Variants in TCF7L1 observed in about 807,000 individuals in gnomAD.
TCF7L1 encodes transcription factor 7-like 1.
Under a neutral mutation model 63.7 loss-of-function variants are expected in TCF7L1, and 18 were observed. The observed-to-expected ratio is 0.28, with a 90% CI of 0.20 to 0.42. The LOEUF (loss-of-function observed/expected upper bound fraction) is 0.42, where lower values mean the gene tolerates loss of function less well. Among genes scored for constraint, TCF7L1 ranks in the 10% least tolerant of loss-of-function variants. The pLI is 1.00. For synonymous variants in TCF7L1, 355 were observed against 340.9 expected, an observed-to-expected ratio of 1.04 and a Z score of -0.46; for missense variants, 654 against 779.3, an observed-to-expected ratio of 0.84 and a Z score of 1.91.
chr2:85,308,446 T>TCCCTCCCTC (rs1558663508), intron 11 of TCF7L1, among the ~76,000 whole-genome samples: 4 of 86,570 alleles, frequency 4.6e-5, no homozygotes, highest in African/African-American at 2.1e-4. Flanking sequence ...CCTCCCTTTC[T>TCCCTCCCTC]CTTTCCCTCC....
rs1682124348 is a variant in TCF7L1, at chr2:85,306,853, A to G, written c.1257+294A>G. 6.6e-6 allele frequency among the ~76,000 whole-genome samples: 1 copy of G among 151,804 alleles called. No individual in the cohort carries two copies. Among genetic ancestry groups the G allele is most frequent in the South Asian group, 2.1e-4 (1 of 4,806 alleles). On this transcript the variant is annotated intron_variant, in intron 10 of 11. Coordinates refer to ENST00000282111, the MANE Select transcript of TCF7L1 (RefSeq NM_031283.3). This position sits in a 1 kb window ranked among gnomAD's most constrained non-coding sequence, Gnocchi z 4.3. ...CTAATTTTTTGTATTTTTAGTAGAGACGGGGTTTCACTGTGTTAACCAGGA... is the reference window on the plus strand; with the variant it reads ...CTAATTTTTTGTATTTTTAGTAGAGGCGGGGTTTCACTGTGTTAACCAGGA...
At chr2:85,297,238 G>A (rs1203108289) in intron 4 of TCF7L1, among the ~76,000 whole-genome samples, 1 of 152,116 alleles carries the variant, frequency 6.6e-6, no homozygotes, top group Non-Finnish European at 1.5e-5. Flanking sequence ...TGCTCAGAAG[G>A]ACCTGAAAGC....
At chr2:85,209,264 G>A (rs1349324742) in intron 3 of TCF7L1, among the ~76,000 whole-genome samples, 1 of 152,224 alleles carries the variant, frequency 6.6e-6, no homozygotes, top group Non-Finnish European at 1.5e-5. Context: ...AAGGTGTGGA[G>A]GCCTGAGTGA....
chr2:85,291,460 T>A (rs1681714213), intron 4 of TCF7L1, among the ~76,000 whole-genome samples: 1 of 152,206 alleles, frequency 6.6e-6, no homozygotes, highest in Admixed American at 6.5e-5. Context: ...CTAGTTCCAA[T>A]AACATGTTCC....
chr2:85,231,765 A>G (rs1468560067), intron 3 of TCF7L1, among the ~76,000 whole-genome samples: 1 of 152,096 alleles, frequency 6.6e-6, no homozygotes, highest in Non-Finnish European at 1.5e-5. Flanking sequence ...CACCCCTGGC[A>G]TGGGTATAGG....
intron 3 of TCF7L1, among the ~76,000 whole-genome samples, chr2:85,155,423 C>G (rs1018360686): frequency 3.9e-5 from 6 of 152,164 alleles, no homozygotes; most frequent in African/African-American, 1.4e-4. Context: ...TCCGTGCCAC[C>G]TTTAAGAGCT....
intron 3 of TCF7L1, among the ~76,000 whole-genome samples, chr2:85,263,166 A>G (rs922765056): frequency 1.3e-5 from 2 of 152,228 alleles, no homozygotes; most frequent in African/African-American, 4.8e-5. Context: ...TAAATAGTGA[A>G]ACACTCAGAG....
In TCF7L1 at chr2:85,144,428, A is replaced by C. The variant is rs925622237; in HGVS notation, c.441+9978A>C. 4.6e-5 allele frequency among the ~76,000 whole-genome samples: 7 copies of C among 151,084 alleles called. 1 individual carries two copies. The highest frequency in any genetic ancestry group is 1.5e-4 in the African/African-American group (6 of 41,144). ...AAACCCTGTCTCTACAAAAAAAAAA[A>C]AAAAAACAAAAACCAAAAAAAACAT... On this transcript the variant is annotated intron_variant, in intron 3 of 11. Transcript: ENST00000282111.
chr2:85,137,167 T>TG, intron 3 of TCF7L1, among the ~76,000 whole-genome samples: 1 of 152,344 alleles, frequency 6.6e-6, no homozygotes, highest in African/African-American at 2.4e-5. Flanking sequence ...CCAAGCCAGA[T>TG]GCAGAAGTGG....
intron 8 of TCF7L1, 106 bp downstream of exon 8, chr2:85,305,509 T>G: frequency 2.2e-6 from 3 of 1,357,172 alleles, no homozygotes; most frequent in Non-Finnish European, 2.0e-6. Context: ...TTGGTGTCAC[T>G]CAGCAGGCAT....
At chr2:85,163,940 A>G (rs987598791) in intron 3 of TCF7L1, among the ~76,000 whole-genome samples, 1 of 152,128 alleles carries the variant, frequency 6.6e-6, no homozygotes, top group Non-Finnish European at 1.5e-5. Context: ...TCCACATAGT[A>G]CACATACATA....
At position 85,180,210 on chromosome 2, in the gene TCF7L1, G is replaced by GT. The variant is rs573746276; in HGVS notation, c.441+45771dup. Among the ~76,000 whole-genome samples, 847 of 144,504 alleles carry GT rather than the reference G, an allele frequency of 5.9e-3. 4 individuals carry two copies. Among genetic ancestry groups the GT allele is most frequent in the East Asian group, 0.013 (66 of 4,978 alleles). The allele number at this position is 144,504 out of a possible 152,430, so 94.8% of individuals were successfully genotyped here. ...TTCTAAACTTCTGATCTGCAAAGTG[G>GT]TTTTTTTTTTTGTTTTTGTTTTTGT... is the stretch of plus-strand genomic sequence containing the variant. On this transcript the variant is annotated intron_variant, in intron 3 of 11. Coordinates refer to ENST00000282111, the MANE Select transcript of TCF7L1 (RefSeq NM_031283.3).
chr2:85,245,407 T>C (rs1680437059), intron 3 of TCF7L1, among the ~76,000 whole-genome samples: 1 of 151,828 alleles, frequency 6.6e-6, no homozygotes, highest in African/African-American at 2.4e-5. Context: ...TAAGATGGGG[T>C]AGGTTGGCTG....
intron 3 of TCF7L1, among the ~76,000 whole-genome samples, chr2:85,219,032 A>G (rs912023002): frequency 6.6e-6 from 1 of 152,218 alleles, no homozygotes; most frequent in Non-Finnish European, 1.5e-5. Flanking sequence ...ACACACCTGT[A>G]ATCCCAGCTA....
intron 11 of TCF7L1, 72 bp downstream of exon 11, chr2:85,307,789 T>A: frequency 7.1e-7 from 1 of 1,405,324 alleles, no homozygotes; most frequent in Non-Finnish European, 1.0e-6. Flanking sequence ...ATGCTGTCTC[T>A]AGCTCCCTGA....
chr2:85,139,107 C>A (rs1180572064), intron 3 of TCF7L1, among the ~76,000 whole-genome samples: 1 of 151,880 alleles, frequency 6.6e-6, no homozygotes, highest in East Asian at 1.9e-4. Context: ...CTCCTGGGTT[C>A]AAGTGATTCT....
intron 3 of TCF7L1, among the ~76,000 whole-genome samples, chr2:85,158,701 C>T (rs1482473952): frequency 1.3e-5 from 2 of 152,228 alleles, no homozygotes; most frequent in African/African-American, 2.4e-5. Flanking sequence ...ACATGTCCAG[C>T]TTTAAGAAAA....
chr2:85,206,962 G>T (rs1679423227), intron 3 of TCF7L1, among the ~76,000 whole-genome samples: 2 of 147,174 alleles, frequency 1.4e-5, no homozygotes, highest in Admixed American at 1.4e-4. Context: ...ATGTCATTCA[G>T]AACAACAGTG....
Position 85,299,817 on chromosome 2 carries a change from C to A in TCF7L1, c.526-2667C>A, listed in dbSNP as rs954694054. Among the ~76,000 whole-genome samples, 3 of 136,740 alleles carry A rather than the reference C, an allele frequency of 2.2e-5. No individual in the cohort carries two copies. In the Admixed American group the frequency reaches 2.4e-4, roughly 11 times the overall value. The allele number at this position is 136,740 out of a possible 152,430, so 89.7% of individuals were successfully genotyped here. A position where few individuals can be genotyped will look rare whatever the true frequency, so the allele number is the denominator to read the frequency against. On this transcript the variant is annotated intron_variant, in intron 4 of 11. Coordinates refer to ENST00000282111, the MANE Select transcript of TCF7L1 (RefSeq NM_031283.3). ...GAGGCTGCAGTGAACCGAGATTGCA[C>A]CACTGCACTCCAGCCTGGGCAACAG...
Sources: gnomAD v4.1 joint callset for allele counts (sites outside exome capture counted in the v4.1 genomes callset) on GRCh38, gnomAD v4.1.1 for gene constraint, Gnocchi (gnomAD v3.1) non-coding constraint, MANE v1.5 for transcripts, NCBI Gene and HGNC (gene_info 2026-07-23, HGNC 2026-07-21) for gene names.